Variants in JARID2 observed in about 807,000 individuals in gnomAD.
JARID2 encodes the protein jumonji and AT-rich interaction domain containing 2.
In JARID2, 21 loss-of-function variants were observed where a neutral mutation model predicts 125.6. That is an observed-to-expected ratio of 0.17 (90% CI 0.12 to 0.24). The LOEUF (loss-of-function observed/expected upper bound fraction) is 0.24. JARID2 is among the 10% of genes least tolerant of loss of function. The probability of loss-of-function intolerance (pLI) is 1.00; values close to 1 mark genes in which losing one functional copy is unlikely to be tolerated. For missense variants in JARID2, 1,303 were observed against 1,639.6 expected (o/e 0.79, Z 3.55); for synonymous variants, 736 against 661.6 (o/e 1.11, Z -1.73).
intron 2 of JARID2, among the ~76,000 whole-genome samples, chr6:15,406,707 G>A (rs982009848): frequency 1.3e-5 from 2 of 152,112 alleles, no homozygotes; most frequent in Non-Finnish European, 2.9e-5. Context: ...ACATAAAATC[G>A]TTTAATATTC....
At chr6:15,518,125 C>T (rs748047302) in intron 17 of JARID2, among the ~76,000 whole-genome samples, 7 of 152,238 alleles carry the variant, frequency 4.6e-5, no homozygotes, top group Non-Finnish European at 7.3e-5. Context: ...CCTGCTGTGT[C>T]CCTCCTTCAC....
At chr6:15,506,187 C>G (rs1042887259) in intron 9 of JARID2, among the ~76,000 whole-genome samples, 1 of 152,226 alleles carries the variant, frequency 6.6e-6, no homozygotes, top group African/African-American at 2.4e-5. Flanking sequence ...TGGACAGCCC[C>G]TGGAGTTGGC....
chr6:15,436,791 G>A (rs1767223940), intron 3 of JARID2, among the ~76,000 whole-genome samples: 1 of 151,586 alleles, frequency 6.6e-6, no homozygotes, highest in South Asian at 2.1e-4. Context: ...GTGGACTCCT[G>A]CTTGGAAGGC....
chr6:15,416,548 C>T (rs537267153), intron 3 of JARID2, among the ~76,000 whole-genome samples: 28 of 152,238 alleles, frequency 1.8e-4, no homozygotes, highest in Admixed American at 3.9e-4. Context: ...ACCAGTCAGG[C>T]GTGGTGGCGC....
chr6:15,447,667 G>GT (rs1384675114), intron 3 of JARID2, among the ~76,000 whole-genome samples: 2 of 152,240 alleles, frequency 1.3e-5, no homozygotes, highest in Non-Finnish European at 2.9e-5. Flanking sequence ...GGAATGGCAG[G>GT]TAGTATTCTG....
chr6:15,431,284 G>C (rs1766955059), intron 3 of JARID2, among the ~76,000 whole-genome samples: 1 of 152,178 alleles, frequency 6.6e-6, no homozygotes, highest in African/African-American at 2.4e-5. Context: ...ACTGGGTGCT[G>C]TGAGTCTTCC....
intron 2 of JARID2, among the ~76,000 whole-genome samples, chr6:15,377,131 G>A (rs1764385374): frequency 6.6e-6 from 1 of 152,146 alleles, no homozygotes; most frequent in Non-Finnish European, 1.5e-5. Context: ...TAGGTTAGTG[G>A]GAGTGGAAGC....
intron 17 of JARID2, among the ~76,000 whole-genome samples, chr6:15,518,419 T>G (rs1229667501): frequency 6.6e-6 from 1 of 152,238 alleles, no homozygotes; most frequent in East Asian, 1.9e-4. Flanking sequence ...ATTTGGAAAC[T>G]GCATACTCTG....
intron 1 of JARID2, among the ~76,000 whole-genome samples, chr6:15,364,354 ACTGGTTTTTGT>A (rs1414578531): frequency 6.6e-6 from 1 of 152,116 alleles, no homozygotes; most frequent in Admixed American, 6.6e-5. Context: ...GGTGGATAGG[ACTGGTTTTTGT>A]CTGGCCTCAA....
chr6:15,413,002 G>GGTTTTTTTTTT (rs1765951845), intron 3 of JARID2, among the ~76,000 whole-genome samples: 4 of 46,532 alleles, frequency 8.6e-5, no homozygotes, highest in African/African-American at 3.7e-4. Flanking sequence ...AAGAGCTTGT[G>GGTTTTTTTTTT]TTTTTGTTTT....
intron 3 of JARID2, among the ~76,000 whole-genome samples, chr6:15,433,946 G>A: frequency 1.3e-5 from 2 of 150,852 alleles, no homozygotes; most frequent in South Asian, 4.2e-4. Flanking sequence ...GTGTGTGTGT[G>A]TGTGTGTGTG....
intron 1 of JARID2, among the ~76,000 whole-genome samples, chr6:15,316,198 CTCTG>C (rs71737011): frequency 0.032 from 4,834 of 152,160 alleles, 123 homozygotes; most frequent in South Asian, 0.11. Flanking sequence ...TCACTGCAAC[CTCTG>C]TCTGCCTTCC....
chr6:15,254,049 T>C (rs1759558742), intron 1 of JARID2, among the ~76,000 whole-genome samples: 1 of 152,188 alleles, frequency 6.6e-6, no homozygotes. Context: ...GGCTTTTTGC[T>C]TGGGAAAGTT....
At chr6:15,489,447 G>A (rs752010507) in intron 6 of JARID2, among the ~76,000 whole-genome samples, 3 of 152,146 alleles carry the variant, frequency 2.0e-5, no homozygotes, top group Non-Finnish European at 4.4e-5. Context: ...CCTCTTGCAC[G>A]GTCACGAATA....
intron 3 of JARID2, among the ~76,000 whole-genome samples, chr6:15,436,562 A>G (rs1767212694): frequency 6.6e-6 from 1 of 152,164 alleles, no homozygotes; most frequent in Admixed American, 6.5e-5. Flanking sequence ...GCAAGAAGGC[A>G]GAAGTGCCTT....
At chr6:15,298,131 A>G (rs1280459318) in intron 1 of JARID2, among the ~76,000 whole-genome samples, 1 of 152,242 alleles carries the variant, frequency 6.6e-6, no homozygotes, top group Non-Finnish European at 1.5e-5. Flanking sequence ...GCAATAGAAA[A>G]TGGTGTAATC....
chr6:15,333,094 G>T (rs147265422), intron 1 of JARID2, among the ~76,000 whole-genome samples: 1 of 151,526 alleles, frequency 6.6e-6, no homozygotes, highest in African/African-American at 2.4e-5. Context: ...CACCAGGCCC[G>T]GCTAATTTTT....
At chr6:15,434,689 T>A (rs1049609326) in intron 3 of JARID2, among the ~76,000 whole-genome samples, 1 of 152,230 alleles carries the variant, frequency 6.6e-6, no homozygotes, top group Non-Finnish European at 1.5e-5. Flanking sequence ...AGTTGCCTAA[T>A]CCTACTCAAG....
Position 15,519,870 on chromosome 6 carries a change from C to T in JARID2, c.3559-199C>T, listed in dbSNP as rs116678157. ...GTTGATGAGGATGAAACGGCCATGCCTGCTATGTGGCATCAGGAGGAGCTG... is the reference window on the plus strand; with the variant it reads ...GTTGATGAGGATGAAACGGCCATGCTTGCTATGTGGCATCAGGAGGAGCTG... On this transcript the variant is annotated intron_variant, in intron 17 of 17. Transcript: ENST00000341776. Among the ~76,000 whole-genome samples, 437 of 152,194 alleles carry T rather than the reference C, an allele frequency of 2.9e-3. 2 individuals are homozygous for T. Among genetic ancestry groups the T allele is most frequent in the African/African-American group, 0.01 (419 of 41,520 alleles).
Sources: gnomAD v4.1 joint callset for allele counts (sites outside exome capture counted in the v4.1 genomes callset) on GRCh38, gnomAD v4.1.1 for gene constraint, MANE v1.5 for transcripts, NCBI Gene and HGNC (gene_info 2026-07-23, HGNC 2026-07-21) for gene names.